TECRL: variants seen among roughly 807,000 people sequenced by gnomAD.
TECRL encodes trans-2,3-enoyl-CoA reductase like, also known as trans-2,3-enoyl-CoA reductase-like.
Under a neutral mutation model 52.8 loss-of-function variants are expected in TECRL, and 63 were observed. The observed-to-expected ratio is 1.19, with a 90% confidence interval of 0.97 to 1.47. The LOEUF is 1.47. Ranked by LOEUF, TECRL falls within the 40% of genes most tolerant of loss-of-function variation. The pLI, the probability that TECRL is intolerant of heterozygous loss-of-function variation, is 0.00. For missense variants in TECRL, 482 were observed against 429.6 expected, an observed-to-expected ratio of 1.12 and a Z score of -1.08; for synonymous variants, 164 against 141.9, an observed-to-expected ratio of 1.16 and a Z score of -1.10.
intron 7 of TECRL, among the ~76,000 whole-genome samples, chr4:64,302,743 T>C (rs115028735): frequency 2.7e-4 from 41 of 151,550 alleles, no homozygotes; most frequent in African/African-American, 9.9e-4. Flanking sequence ...AAGTAAGATA[T>C]ATTAAAACAA....
At chr4:64,382,203 AT>A in intron 1 of TECRL, among the ~76,000 whole-genome samples, 1 of 1,468 alleles carries the variant, frequency 6.8e-4, no homozygotes, top group South Asian at 0.12. Flanking sequence ...ATATATATAT[AT>A]ATATATATAT....
At chr4:64,297,450 A>T (rs2109966874) in intron 8 of TECRL, among the ~76,000 whole-genome samples, 1 of 151,214 alleles carries the variant, frequency 6.6e-6, no homozygotes, top group African/African-American at 2.4e-5. Context: ...GCAAAAAAAT[A>T]GCATTTACAA....
chr4:64,302,777 T>C (rs936679171), intron 7 of TECRL, among the ~76,000 whole-genome samples: 1 of 151,432 alleles, frequency 6.6e-6, no homozygotes, highest in Non-Finnish European at 1.5e-5. Context: ...TACTGATTTG[T>C]TTAATTGAAG....
In TECRL at chr4:64,338,110, C is replaced by A. The variant is rs536401534; in HGVS notation, c.287-9554G>T. 1.4e-4 allele frequency among the ~76,000 whole-genome samples: 22 copies of A among 152,062 alleles called. No homozygotes were observed. The South Asian group carries it at 4.6e-3, about 32-fold the overall frequency. ...TATAGACCAATGGAACAGAACAGAG[C>A]CCTCAGAAATAATACCACACATCTA... is the stretch of plus-strand genomic sequence containing the variant. On this transcript the variant is annotated intron_variant, in intron 2 of 11. Transcript: ENST00000381210.
chr4:64,357,514 A>G (rs2109599264), intron 2 of TECRL, among the ~76,000 whole-genome samples: 2 of 151,646 alleles, frequency 1.3e-5, no homozygotes, highest in Admixed American at 1.3e-4. Context: ...ATATTCAGAT[A>G]TTATTTTGAA....
At chr4:64,370,753 C>T (rs1416677059) in intron 2 of TECRL, among the ~76,000 whole-genome samples, 1 of 151,566 alleles carries the variant, frequency 6.6e-6, no homozygotes, top group Non-Finnish European at 1.5e-5. Context: ...ATTGCCAAAA[C>T]ATGTAATAAA....
At chr4:64,281,014 T>C (rs1188076370) in intron 11 of TECRL, 27 bp downstream of exon 11, 1 of 1,543,178 alleles carries the variant, frequency 6.5e-7, no homozygotes, top group Non-Finnish European at 8.9e-7. Flanking sequence ...TTTATTTTGA[T>C]TAATTATCAG....
At chr4:64,390,761 T>C (rs1160584092) in intron 1 of TECRL, among the ~76,000 whole-genome samples, 1 of 151,858 alleles carries the variant, frequency 6.6e-6, no homozygotes, top group African/African-American at 2.4e-5. Context: ...CCCTGAGAGA[T>C]AACAGATTTA....
chr4:64,336,619 T>C (rs539731983), intron 2 of TECRL, among the ~76,000 whole-genome samples: 1 of 152,228 alleles, frequency 6.6e-6, no homozygotes, highest in African/African-American at 2.4e-5. Flanking sequence ...ATTTTAGAAC[T>C]TTCCCGCTTT....
In TECRL at chr4:64,372,852, T is replaced by A. The variant is rs1196160055; in HGVS notation, c.286+2320A>T. Among the ~76,000 whole-genome samples the A allele has an allele frequency of 3.6e-4, 55 of 151,720 alleles. 1 individual carries two copies. In the Admixed American group the frequency reaches 3.6e-3, roughly 10 times the overall value. Reference sequence around the variant, plus strand: ...TAATTTGGTGTCAAAAAGTAAAGTTTTTTAAAACCTGACAAATGTGGCTTT... The same window carrying A: ...TAATTTGGTGTCAAAAAGTAAAGTTATTTAAAACCTGACAAATGTGGCTTT... On this transcript the variant is annotated intron_variant, in intron 2 of 11. Coordinates refer to ENST00000381210, the MANE Select transcript of TECRL (RefSeq NM_001010874.5).
chr4:64,375,463 C>T (rs781294785), intron 1 of TECRL, among the ~76,000 whole-genome samples: 3 of 151,676 alleles, frequency 2.0e-5, no homozygotes, highest in Admixed American at 6.6e-5. Flanking sequence ...TAATTCAATC[C>T]AATTTGTATC....
intron 2 of TECRL, among the ~76,000 whole-genome samples, chr4:64,332,497 A>G (rs1718713703): frequency 6.6e-6 from 1 of 152,346 alleles, no homozygotes; most frequent in East Asian, 1.9e-4. Context: ...CCAGGCCTCA[A>G]TAAAATAGAA....
chr4:64,377,004 G>A lies in TECRL; in HGVS notation c.235-1781C>T, dbSNP rs180829672. 9.9e-5 allele frequency among the ~76,000 whole-genome samples: 15 copies of A among 152,068 alleles called. No homozygotes were observed. In the East Asian group the frequency reaches 1.4e-3, roughly 14 times the overall value. On this transcript the variant is annotated intron_variant, in intron 1 of 11. Coordinates refer to ENST00000381210, the MANE Select transcript of TECRL (RefSeq NM_001010874.5). The stretch of plus-strand genomic sequence containing the variant: ...GCAAAAGCTGTATGCCATTCTCCAC[G>A]CCAGAATAATGCAATAGACAAACTT...
intron 2 of TECRL, among the ~76,000 whole-genome samples, chr4:64,334,657 G>A (rs985670375): frequency 6.6e-6 from 1 of 152,010 alleles, no homozygotes; most frequent in African/African-American, 2.4e-5. Context: ...GCAGAAAAAA[G>A]TTTCTATAGG....
chr4:64,324,740 T>C (rs945295715), intron 3 of TECRL, among the ~76,000 whole-genome samples: 2 of 152,082 alleles, frequency 1.3e-5, no homozygotes, highest in Admixed American at 6.6e-5. Flanking sequence ...AGAAATTTCA[T>C]GTAAATTGAT....
chr4:64,321,160 G>T (rs1018904263), intron 4 of TECRL, among the ~76,000 whole-genome samples: 1 of 151,676 alleles, frequency 6.6e-6, no homozygotes, highest in African/African-American at 2.4e-5. Context: ...ACATAAAATA[G>T]AACTCATTAA....
At chr4:64,370,963 G>T (rs2109658692) in intron 2 of TECRL, among the ~76,000 whole-genome samples, 1 of 151,786 alleles carries the variant, frequency 6.6e-6, no homozygotes, top group East Asian at 1.9e-4. Context: ...GGCATGATTT[G>T]CTGCTGCATG....
intron 1 of TECRL, among the ~76,000 whole-genome samples, chr4:64,387,145 G>C (rs1601076): frequency 6.6e-6 from 1 of 151,930 alleles, no homozygotes; most frequent in South Asian, 2.1e-4. Flanking sequence ...TTCCCAGAAA[G>C]TCATATGGTT....
intron 6 of TECRL, among the ~76,000 whole-genome samples, chr4:64,306,291 A>G (rs1052288097): frequency 3.3e-5 from 5 of 152,226 alleles, no homozygotes; most frequent in African/African-American, 1.2e-4. Flanking sequence ...TTCTGTTCCA[A>G]AACAGTTTCC....
Sources: allele counts gnomAD v4.1 joint callset (sites outside exome capture counted in the v4.1 genomes callset), GRCh38; gene constraint gnomAD v4.1.1; transcripts MANE v1.5; gene names NCBI Gene and HGNC (gene_info 2026-07-23, HGNC 2026-07-21).